The following GLIS1 variants were observed in gnomAD, a reference collection of about 807,000 sequenced individuals.
GLIS1 encodes the protein GLIS family zinc finger 1.
A neutral mutation model predicts 63.8 loss-of-function variants in GLIS1; 24 were observed. That is an observed-to-expected ratio of 0.38 (90% confidence interval 0.27 to 0.53). The LOEUF (loss-of-function observed/expected upper bound fraction) is 0.53. GLIS1 is among the 20% of genes least tolerant of loss of function. GLIS1 has a pLI of 0.85. For synonymous variants in GLIS1, 450 were observed against 482.5 expected (o/e 0.93, Z 0.88); for missense variants, 1,036 against 1,074.1 (o/e 0.96, Z 0.50).
intron 2 of GLIS1, among the ~76,000 whole-genome samples, chr1:53,642,442 G>T (rs1032814848): frequency 6.6e-6 from 1 of 152,124 alleles, no homozygotes; most frequent in East Asian, 1.9e-4. Context: ...CCACCTCGGG[G>T]CCCTGCCACA....
chr1:53,551,554 G>C (rs2100403846), intron 4 of GLIS1, among the ~76,000 whole-genome samples: 2 of 152,284 alleles, frequency 1.3e-5, no homozygotes, highest in Middle Eastern at 6.8e-3. Flanking sequence ...CGTCAGGTCG[G>C]TTGCTTAGAG....
chr1:53,530,659 G>A, intron 4 of GLIS1, among the ~76,000 whole-genome samples: 1 of 152,156 alleles, frequency 6.6e-6, no homozygotes, highest in East Asian at 1.9e-4. Context: ...TCAGGGGTTG[G>A]CCAGACAATT....
intron 2 of GLIS1, among the ~76,000 whole-genome samples, chr1:53,669,709 C>T (rs892054015): frequency 1.3e-5 from 2 of 152,226 alleles, no homozygotes; most frequent in Non-Finnish European, 2.9e-5. Context: ...CCCCTCCCAT[C>T]ACGTGCTAAC....
chr1:53,629,348 A>G (rs1645628292), intron 2 of GLIS1, among the ~76,000 whole-genome samples: 1 of 152,038 alleles, frequency 6.6e-6, no homozygotes, highest in Admixed American at 6.6e-5. Flanking sequence ...GCCAGCCCAC[A>G]TGGCAGTTGC....
chr1:53,615,991 A>G (rs11206179), intron 2 of GLIS1, among the ~76,000 whole-genome samples: 33,287 of 152,030 alleles, frequency 0.22, 3,767 homozygotes, highest in East Asian at 0.39. Flanking sequence ...CAGGCAATCC[A>G]CCCACCTCGG....
chr1:53,718,139 T>C (rs904012794), intron 2 of GLIS1, among the ~76,000 whole-genome samples: 1 of 152,230 alleles, frequency 6.6e-6, no homozygotes, highest in African/African-American at 2.4e-5. Context: ...TTTCCAAGCC[T>C]GGTTCTCTAG....
At chr1:53,581,808 C>T (rs929762515) in intron 4 of GLIS1, among the ~76,000 whole-genome samples, 5 of 152,288 alleles carry the variant, frequency 3.3e-5, no homozygotes, top group African/African-American at 1.2e-4. Context: ...GTGGAAGGAA[C>T]TGGGGCCAGA....
intron 2 of GLIS1, among the ~76,000 whole-genome samples, chr1:53,663,258 A>G (rs1189583069): frequency 6.6e-6 from 1 of 152,098 alleles, no homozygotes; most frequent in Non-Finnish European, 1.5e-5. Context: ...GTTCTTTTCT[A>G]GGTTTCTAAA....
chr1:53,670,025 G>T (rs1485363796), intron 2 of GLIS1, among the ~76,000 whole-genome samples: 3 of 152,222 alleles, frequency 2.0e-5, no homozygotes, highest in African/African-American at 7.2e-5. Context: ...GAGATTACTG[G>T]TCTGGCTTTT....
chr1:53,622,563 G>T (rs1194368487), intron 2 of GLIS1, among the ~76,000 whole-genome samples: 2 of 152,032 alleles, frequency 1.3e-5, no homozygotes, highest in Non-Finnish European at 2.9e-5. Flanking sequence ...TTTAAGATGA[G>T]ATCACCCTGG....
chr1:53,711,432 GTAAA>G (rs1646645600), intron 2 of GLIS1, among the ~76,000 whole-genome samples: 1 of 152,108 alleles, frequency 6.6e-6, no homozygotes, highest in Non-Finnish European at 1.5e-5. Flanking sequence ...AACTTAAAAG[GTAAA>G]TAAATAAATA....
intron 2 of GLIS1, among the ~76,000 whole-genome samples, chr1:53,732,492 A>T (rs1646872757): frequency 6.6e-6 from 1 of 151,088 alleles, no homozygotes; most frequent in Admixed American, 6.6e-5. Context: ...TTCATTGTAA[A>T]CTATTAATTT....
intron 4 of GLIS1, among the ~76,000 whole-genome samples, chr1:53,548,403 C>A (rs921156886): frequency 6.6e-6 from 1 of 152,192 alleles, no homozygotes; most frequent in Admixed American, 6.5e-5. Flanking sequence ...GGGGCAGGAA[C>A]GAGAGAAGGG....
chr1:53,635,813 T>C (rs1390781212), intron 2 of GLIS1, among the ~76,000 whole-genome samples: 4 of 152,296 alleles, frequency 2.6e-5, no homozygotes, highest in East Asian at 3.9e-4. Context: ...CAGAATATCA[T>C]GAATATTTCA....
Position 53,600,155 on chromosome 1 carries a change from G to A in GLIS1, c.383C>T (p.Pro128Leu). 8.1e-7 allele frequency: 1 copy of A among 1,231,674 alleles called. No homozygotes were observed. The highest frequency in any genetic ancestry group is 1.0e-6 in the Non-Finnish European group (1 of 987,534). The allele number at this position is 1,231,674 out of a possible 1,614,324, so 76.3% of individuals were successfully genotyped here. The change falls in exon 3 of 11, where the codon CCC (proline) becomes CTC (leucine). Residue 128 changes from proline (P) to leucine (L), a missense_variant. Transcript: ENST00000628545. ...GLFLPAGSPP[P>L]RAHPQACERL... is the part of the protein sequence containing the mutation. ...CTCACAAGCTTGGGGGTGAGCCCGG[G>A]GCGGTGGGCTTCCTGCAGGGAGAAA...
intron 2 of GLIS1, among the ~76,000 whole-genome samples, chr1:53,691,571 ACTG>A (rs770239710): frequency 2.9e-4 from 44 of 151,614 alleles, no homozygotes; most frequent in Middle Eastern, 3.4e-3. Flanking sequence ...CTCCTCCACC[ACTG>A]CTCCTCCTCC....
At chr1:53,530,606 C>A (rs1327487295) in intron 4 of GLIS1, among the ~76,000 whole-genome samples, 2 of 152,200 alleles carry the variant, frequency 1.3e-5, no homozygotes, top group African/African-American at 4.8e-5. Flanking sequence ...ATATACAGCC[C>A]TCCACACCTC....
chr1:53,580,747 C>T (rs760976822), intron 4 of GLIS1, among the ~76,000 whole-genome samples: 2 of 152,126 alleles, frequency 1.3e-5, no homozygotes, highest in Non-Finnish European at 2.9e-5. Flanking sequence ...CGTGCCTAAC[C>T]AATGCCGCTT....
At chr1:53,709,114 A>G (rs1372559738) in intron 2 of GLIS1, among the ~76,000 whole-genome samples, 5 of 151,992 alleles carry the variant, frequency 3.3e-5, no homozygotes, top group Non-Finnish European at 7.4e-5. Context: ...TATTGAGTAT[A>G]TGGATTTGTT....
Sources: allele counts gnomAD v4.1 joint callset (sites outside exome capture counted in the v4.1 genomes callset), GRCh38; gene constraint gnomAD v4.1.1; transcripts MANE v1.5; gene names NCBI Gene and HGNC (gene_info 2026-07-23, HGNC 2026-07-21).